Variants in CSMD1 observed in about 807,000 individuals in gnomAD.
The protein encoded by CSMD1 is CUB and sushi domain-containing protein 1.
Under a neutral mutation model 417.5 loss-of-function variants are expected in CSMD1, and 213 were observed. The ratio of observed to expected loss-of-function variants is 0.51; its 90% confidence interval spans 0.46 to 0.57. The LOEUF (loss-of-function observed/expected upper bound fraction) is 0.57. CSMD1 is among the 20% of genes least tolerant of loss of function. The probability of loss-of-function intolerance (pLI) is 0.00; values close to 1 mark genes in which losing one functional copy is unlikely to be tolerated. For missense variants in CSMD1, 6,923 were observed against 4,529.7 expected (o/e 1.53, Z -15.17); for synonymous variants, 2,862 against 1,736.8 (o/e 1.65, Z -16.11).
intron 1 of CSMD1, among the ~76,000 whole-genome samples, chr8:4,802,306 A>G (rs1239876177): frequency 2.0e-5 from 3 of 151,970 alleles, no homozygotes; most frequent in African/African-American, 7.3e-5. Flanking sequence ...ATCTTGACCT[A>G]TGACTGGTCC....
chr8:4,808,397 G>A (rs1798708938), intron 1 of CSMD1, among the ~76,000 whole-genome samples: 2 of 152,276 alleles, frequency 1.3e-5, no homozygotes, highest in South Asian at 2.1e-4. Context: ...GCTAAGTTCT[G>A]TGAATTCAAA....
At chr8:3,793,244 T>C (rs1019003240) in intron 5 of CSMD1, among the ~76,000 whole-genome samples, 1 of 152,216 alleles carries the variant, frequency 6.6e-6, no homozygotes, top group Non-Finnish European at 1.5e-5. Context: ...CAGACCTTAA[T>C]GGTCATCAAT....
intron 1 of CSMD1, among the ~76,000 whole-genome samples, chr8:4,689,830 T>C (rs983361476): frequency 6.6e-6 from 1 of 152,172 alleles, no homozygotes; most frequent in Non-Finnish European, 1.5e-5. Context: ...AGTCCCTTTC[T>C]GGTGCCTTTA....
chr8:3,402,292 G>A (rs758705907), intron 15 of CSMD1, among the ~76,000 whole-genome samples: 3 of 151,424 alleles, frequency 2.0e-5, no homozygotes, highest in Admixed American at 6.6e-5. Flanking sequence ...GCTACTTTAC[G>A]CACATTTTAT....
At chr8:4,404,593 T>C (rs1585023767) in intron 3 of CSMD1, among the ~76,000 whole-genome samples, 1 of 152,264 alleles carries the variant, frequency 6.6e-6, no homozygotes, top group Non-Finnish European at 1.5e-5. Flanking sequence ...TAGCTAGTAA[T>C]GGCAAAAATG....
intron 1 of CSMD1, among the ~76,000 whole-genome samples, chr8:4,947,958 CT>C (rs1157190427): frequency 3.3e-5 from 5 of 151,840 alleles, no homozygotes; most frequent in Non-Finnish European, 7.4e-5. Flanking sequence ...CTATTGTTTT[CT>C]TTTTTTAAGA....
intron 26 of CSMD1, among the ~76,000 whole-genome samples, chr8:3,235,517 C>G (rs1423561621): frequency 1.3e-5 from 2 of 152,140 alleles, no homozygotes; most frequent in Non-Finnish European, 2.9e-5. Flanking sequence ...TCCCCTTAGA[C>G]ATTCCCATTG....
chr8:3,684,628 C>T (rs564277290), intron 7 of CSMD1, among the ~76,000 whole-genome samples: 9 of 144,976 alleles, frequency 6.2e-5, no homozygotes, highest in Admixed American at 1.4e-4. Flanking sequence ...GACGGAGTCT[C>T]GCTCTCTCGC....
intron 1 of CSMD1, among the ~76,000 whole-genome samples, chr8:4,924,617 G>A (rs2117159845): frequency 6.7e-6 from 1 of 148,854 alleles, no homozygotes; most frequent in East Asian, 2.0e-4. Context: ...AGCTACTCAG[G>A]AGGCTGAGAC....
chr8:4,323,106 T>C (rs758512749), intron 3 of CSMD1, among the ~76,000 whole-genome samples: 2 of 152,246 alleles, frequency 1.3e-5, no homozygotes, highest in Non-Finnish European at 2.9e-5. Context: ...CATATGATTT[T>C]AATGAGACAT....
At chr8:3,931,518 C>T (rs992466239) in intron 5 of CSMD1, among the ~76,000 whole-genome samples, 1 of 150,132 alleles carries the variant, frequency 6.7e-6, no homozygotes, top group Admixed American at 6.6e-5. Flanking sequence ...TCTCCAATTT[C>T]ATTGAATTAC....
intron 3 of CSMD1, among the ~76,000 whole-genome samples, chr8:4,387,289 C>G (rs113518393): frequency 0.02 from 3,003 of 152,094 alleles, 62 homozygotes; most frequent in African/African-American, 0.061. Flanking sequence ...TAAATTAAGT[C>G]ACTCTACTTT....
chr8:3,395,873 T>C (rs1031364671), intron 17 of CSMD1, among the ~76,000 whole-genome samples: 1 of 152,172 alleles, frequency 6.6e-6, no homozygotes, highest in Admixed American at 6.5e-5. Context: ...AGACTTTTGC[T>C]CAGAAAGTAC....
intron 3 of CSMD1, among the ~76,000 whole-genome samples, chr8:4,252,381 A>G (rs1319875549): frequency 6.6e-6 from 1 of 152,182 alleles, no homozygotes; most frequent in Admixed American, 6.5e-5. Context: ...GAAGTTATGT[A>G]TTGTCTTTTT....
intron 3 of CSMD1, among the ~76,000 whole-genome samples, chr8:4,099,466 A>G (rs543084634): frequency 6.6e-6 from 1 of 152,140 alleles, no homozygotes; most frequent in Admixed American, 6.6e-5. Context: ...GCCTCCAACA[A>G]TCATCTTCCA....
chr8:3,330,360 G>C (rs78734333), intron 23 of CSMD1, among the ~76,000 whole-genome samples: 3 of 152,112 alleles, frequency 2.0e-5, no homozygotes, highest in African/African-American at 4.8e-5. Flanking sequence ...GCCCATCAGC[G>C]AGAGACTGGA....
At chr8:4,152,909 T>G (rs1029023299) in intron 3 of CSMD1, among the ~76,000 whole-genome samples, 1 of 152,124 alleles carries the variant, frequency 6.6e-6, no homozygotes, top group Non-Finnish European at 1.5e-5. Flanking sequence ...TCTCAAAAAC[T>G]TTATGAAAGG....
chr8:4,810,006 T>C (rs1007947112), intron 1 of CSMD1, among the ~76,000 whole-genome samples: 4 of 152,238 alleles, frequency 2.6e-5, no homozygotes, highest in African/African-American at 4.8e-5. Flanking sequence ...CAAGTGAATA[T>C]ATGCCAAGTG....
intron 2 of CSMD1, among the ~76,000 whole-genome samples, chr8:4,537,617 AC>A (rs1172084215): frequency 2.0e-5 from 3 of 152,162 alleles, no homozygotes; most frequent in Non-Finnish European, 4.4e-5. Flanking sequence ...CTGTTATCTG[AC>A]ACTATTCTAT....
Sources: allele counts gnomAD v4.1 joint callset (sites outside exome capture counted in the v4.1 genomes callset), GRCh38; gene constraint gnomAD v4.1.1; transcripts MANE v1.5; gene names NCBI Gene and HGNC (gene_info 2026-07-23, HGNC 2026-07-21).